Variants in KATNIP observed in about 807,000 individuals in gnomAD.
The protein encoded by KATNIP is katanin interacting protein.
Under a neutral mutation model 174.0 loss-of-function variants are expected in KATNIP, and 126 were observed. The observed-to-expected ratio is 0.72, with a 90% confidence interval of 0.63 to 0.84. The LOEUF is 0.84. Ranked by LOEUF, KATNIP falls within the 40% of genes least tolerant of loss-of-function variation. KATNIP has a pLI of 0.00. For synonymous variants in KATNIP, 810 were observed against 835.7 expected (o/e 0.97, Z 0.53); for missense variants, 1,958 against 2,109.7 (o/e 0.93, Z 1.41).
At chr16:27,654,723 T>C (rs1011467345) in intron 6 of KATNIP, 22 of 1,351,902 alleles carry the variant, frequency 1.6e-5, no homozygotes, top group Non-Finnish European at 2.1e-5. Flanking sequence ...CTCTTAACTA[T>C]TCAGGATGTG....
chr16:27,708,198 T>A (rs1420413729), intron 12 of KATNIP, among the ~76,000 whole-genome samples: 1 of 152,006 alleles, frequency 6.6e-6, no homozygotes, highest in Non-Finnish European at 1.5e-5. Context: ...TTTTTTTAAT[T>A]TTTTTGTAAA....
intron 1 of KATNIP, among the ~76,000 whole-genome samples, chr16:27,550,699 C>T (rs1050932740): frequency 1.3e-5 from 2 of 152,186 alleles, no homozygotes; most frequent in Non-Finnish European, 2.9e-5. Flanking sequence ...GGCAACACCT[C>T]GCTAAGCTTC....
intron 2 of KATNIP, among the ~76,000 whole-genome samples, chr16:27,596,271 G>A (rs541207492): frequency 1.3e-5 from 2 of 152,254 alleles, no homozygotes; most frequent in South Asian, 4.1e-4. Flanking sequence ...GTATTGTAAA[G>A]AGAGAGGCAG....
chr16:27,580,698 G>A (rs1375840531), intron 2 of KATNIP, among the ~76,000 whole-genome samples: 1 of 86,346 alleles, frequency 1.2e-5, no homozygotes, highest in Non-Finnish European at 2.2e-5. Flanking sequence ...TTTTCTTCTT[G>A]ATTTTTTTTT....
rs554294004 is a variant in KATNIP, at chr16:27,559,375, T to C, written c.7+9198T>C. 3.3e-5 allele frequency among the ~76,000 whole-genome samples: 5 copies of C among 152,280 alleles called. No individual in the cohort carries two copies. In the East Asian group the frequency reaches 9.6e-4, roughly 29 times the overall value. ...TGTACAGTGTCTATCAATATGTTTT[T>C]CCATATTCAAAAATAGTGATTTCAG... On this transcript the variant is annotated intron_variant, in intron 1 of 27. Transcript: ENST00000261588.
At chr16:27,766,778 C>A (rs1208536525) in intron 20 of KATNIP, among the ~76,000 whole-genome samples, 1 of 152,172 alleles carries the variant, frequency 6.6e-6, no homozygotes, top group Admixed American at 6.5e-5. Context: ...CCCTTGAGTG[C>A]TCGGGTGGCC....
At chr16:27,613,796 C>CTG (rs1210171923) in intron 2 of KATNIP, among the ~76,000 whole-genome samples, 2 of 152,230 alleles carry the variant, frequency 1.3e-5, no homozygotes, top group African/African-American at 4.8e-5. Context: ...CTCCCGAGGG[C>CTG]TGAGGCCTCC....
At chr16:27,632,616 T>C in intron 5 of KATNIP, 1 of 456,482 alleles carries the variant, frequency 2.2e-6, no homozygotes, top group Non-Finnish European at 4.4e-6. Flanking sequence ...CAGTGGTCCC[T>C]TACCAGGAAG....
chr16:27,718,190 G>A (rs774561033), intron 13 of KATNIP: 3 of 152,240 alleles, frequency 2.0e-5, no homozygotes, highest in Non-Finnish European at 2.9e-5. Context: ...CCCACCCCTC[G>A]CTGAGCTTTG....
chr16:27,570,389 C>T (rs1481924797), intron 1 of KATNIP, among the ~76,000 whole-genome samples: 1 of 151,770 alleles, frequency 6.6e-6, no homozygotes. Context: ...CATGGTGAAA[C>T]CCCATATTTA....
intron 19 of KATNIP, among the ~76,000 whole-genome samples, chr16:27,762,399 T>C (rs1266091640): frequency 2.6e-5 from 4 of 152,184 alleles, no homozygotes; most frequent in Non-Finnish European, 4.4e-5. Flanking sequence ...CACATGTTCA[T>C]CCATTGAAGC....
chr16:27,667,006 G>C (rs1212924990), intron 6 of KATNIP, among the ~76,000 whole-genome samples: 9 of 152,080 alleles, frequency 5.9e-5, no homozygotes, highest in Non-Finnish European at 1.2e-4. Flanking sequence ...ACCTGCTTAT[G>C]GGGGACACGT....
In KATNIP at chr16:27,556,089, C is replaced by T. The variant is rs899025906; in HGVS notation, c.7+5912C>T. Among the ~76,000 whole-genome samples the T allele has an allele frequency of 2.4e-4, 36 of 151,144 alleles. 1 individual carries two copies. Among genetic ancestry groups the T allele is most frequent in the African/African-American group, 1.5e-4 (6 of 41,058 alleles). On this transcript the variant is annotated intron_variant, in intron 1 of 27. Transcript: ENST00000261588. ...TTGCAGTGAGCTGAGATTGCACCAC[C>T]GCACTCTAGCCTGGGCCAGTGAGTG...
At chr16:27,598,464 C>T (rs2075410259) in intron 2 of KATNIP, among the ~76,000 whole-genome samples, 3 of 152,146 alleles carry the variant, frequency 2.0e-5, no homozygotes. Context: ...GGCTACTCAG[C>T]CACTGAAGGA....
At chr16:27,572,664 A>G (rs569556671) in intron 1 of KATNIP, among the ~76,000 whole-genome samples, 1 of 152,264 alleles carries the variant, frequency 6.6e-6, no homozygotes, top group Admixed American at 6.5e-5. Flanking sequence ...GCGTGGGATT[A>G]TGTATAATCA....
At chr16:27,652,253 G>T (rs1025145476) in intron 6 of KATNIP, among the ~76,000 whole-genome samples, 3 of 152,174 alleles carry the variant, frequency 2.0e-5, no homozygotes, top group Non-Finnish European at 4.4e-5. Flanking sequence ...TATATGGAGG[G>T]TGCAGGGGCT....
intron 13 of KATNIP, among the ~76,000 whole-genome samples, chr16:27,716,245 C>T (rs571240892): frequency 4.0e-4 from 61 of 152,182 alleles, no homozygotes; most frequent in Admixed American, 3.9e-4. Flanking sequence ...ATGAAATGTC[C>T]CGAATAGGCA....
rs1432702949 is a variant in KATNIP, at chr16:27,630,973, T to TA, written c.311-91dup. ...ATACACAAGACTTTGGGCACACTGA[T>TA]ACGCATTTTAGACATGAGTTACAAA... On this transcript the variant is annotated intron_variant, in intron 4 of 27. Transcript: ENST00000261588. 5.6e-5 allele frequency: 53 copies of TA among 939,432 alleles called. No homozygotes were observed. In the Middle Eastern group the frequency reaches 1.0e-3, roughly 19 times the overall value. 58.2% of individuals were successfully genotyped at this position (939,432 alleles called of 1,614,324 possible). A position where few individuals can be genotyped will look rare whatever the true frequency, so the allele number is the denominator to read the frequency against.
intron 2 of KATNIP, among the ~76,000 whole-genome samples, chr16:27,580,446 C>T (rs908257673): frequency 6.6e-6 from 1 of 152,240 alleles, no homozygotes; most frequent in African/African-American, 2.4e-5. Context: ...ATTAGCTCTT[C>T]CTCCTCTATA....
Sources: gnomAD v4.1 joint callset for allele counts (sites outside exome capture counted in the v4.1 genomes callset) on GRCh38, gnomAD v4.1.1 for gene constraint, MANE v1.5 for transcripts, NCBI Gene and HGNC (gene_info 2026-07-23, HGNC 2026-07-21) for gene names.